Variants in TNRC6C observed in about 807,000 individuals in gnomAD.
TNRC6C encodes the protein trinucleotide repeat-containing gene 6C protein.
Under a neutral mutation model 153.7 loss-of-function variants are expected in TNRC6C, and 20 were observed. The observed-to-expected ratio is 0.13, with a 90% confidence interval of 0.09 to 0.19. The LOEUF (loss-of-function observed/expected upper bound fraction) is 0.19, where lower values mean the gene tolerates loss of function less well. Ranked by LOEUF, TNRC6C falls within the 10% of genes least tolerant of loss-of-function variation. The pLI is 1.00. For synonymous variants in TNRC6C, 811 were observed against 841.4 expected (o/e 0.96, Z 0.63); for missense variants, 1,987 against 2,172.0 (o/e 0.91, Z 1.69).
intron 2 of TNRC6C, among the ~76,000 whole-genome samples, chr17:78,032,071 G>A (rs1450375995): frequency 6.6e-6 from 1 of 152,132 alleles, no homozygotes; most frequent in African/African-American, 2.4e-5. Flanking sequence ...CTTCAGCTGA[G>A]CTTATTTTTC....
chr17:78,026,780 TAG>T (rs913312998), intron 1 of TNRC6C, among the ~76,000 whole-genome samples: 21 of 152,156 alleles, frequency 1.4e-4, no homozygotes, highest in Non-Finnish European at 2.2e-4. Context: ...GATGATGGAT[TAG>T]AGAGAGTCTC....
intron 2 of TNRC6C, among the ~76,000 whole-genome samples, chr17:78,041,525 A>C (rs2072295236): frequency 6.6e-6 from 1 of 152,232 alleles, no homozygotes; most frequent in Non-Finnish European, 1.5e-5. Context: ...TCTTTTGGAC[A>C]CTATTTGTGT....
exon 3 of TNRC6C, chr17:78,051,358 A>G (rs780665319): frequency 6.4e-7 from 1 of 1,551,204 alleles, no homozygotes; most frequent in South Asian, 1.2e-5. Context: ...CACCACCACC[A>G]CTACCACGAG....
intron 1 of TNRC6C, among the ~76,000 whole-genome samples, chr17:77,994,410 T>G (rs945302964): frequency 2.0e-5 from 3 of 152,192 alleles, no homozygotes; most frequent in Non-Finnish European, 4.4e-5. Flanking sequence ...AGGTCTTGTA[T>G]GCTCACCTGC....
chr17:78,007,023 A>G (rs1387303788), intron 1 of TNRC6C, among the ~76,000 whole-genome samples: 1 of 113,368 alleles, frequency 8.8e-6, no homozygotes, highest in Non-Finnish European at 1.7e-5. Flanking sequence ...TTGTATTTTT[A>G]GTAGAGACAG....
chr17:78,078,859 G>A lies in TNRC6C; in HGVS notation c.3211-536G>A, dbSNP rs564205714. The stretch of plus-strand genomic sequence containing the variant: ...TGTAATCCCACCACTTTGGGAGGCC[G>A]AGGCAGGTGGATCACAAGGTCAGGA... On this transcript the variant is annotated intron_variant, in intron 9 of 19. Coordinates refer to ENST00000301624, the Ensembl canonical transcript of TNRC6C. Among the ~76,000 whole-genome samples, 13 of 152,226 alleles carry A rather than the reference G, an allele frequency of 8.5e-5. 2 individuals carry two copies. The highest frequency in any genetic ancestry group is 2.9e-4 in the African/African-American group (12 of 41,530).
upstream of TNRC6C, chr17:77,959,140 G>C (rs1598632337): frequency 1.4e-5 from 2 of 144,008 alleles, no homozygotes; most frequent in East Asian, 2.0e-4. Flanking sequence ...CGTGGCGCCG[G>C]CGCTGAGCGG....
intron 6 of TNRC6C, among the ~76,000 whole-genome samples, 163 bp downstream of exon 8, chr17:78,071,328 A>C (rs1429662377): frequency 6.6e-6 from 1 of 152,212 alleles, no homozygotes; most frequent in Non-Finnish European, 1.5e-5. Context: ...TTACCTGGGT[A>C]GTTTGGGTTA....
At position 77,992,327 on chromosome 17, in the gene TNRC6C, G is replaced by A. The variant is rs2071264007; in HGVS notation, c.-37-11843G>A. On this transcript the variant is annotated intron_variant, in intron 1 of 22. Transcript: ENST00000636222. Reference sequence around the variant, plus strand: ...ATCCTGGCTAACACGGTGAAACCCCGTCTCTACTAAAAATACAAAAATTAG... The same window carrying A: ...ATCCTGGCTAACACGGTGAAACCCCATCTCTACTAAAAATACAAAAATTAG... Among the ~76,000 whole-genome samples the A allele has an allele frequency of 1.9e-5, 2 of 107,026 alleles. 1 individual carries two copies. Among genetic ancestry groups the A allele is most frequent in the African/African-American group, 1.0e-4 (2 of 19,928 alleles). The allele number at this position is 107,026 out of a possible 152,430, so 70.2% of individuals were successfully genotyped here. A position where few individuals can be genotyped will look rare whatever the true frequency, so the allele number is the denominator to read the frequency against.
chr17:77,958,445 A>G (rs764585072), upstream of TNRC6C, among the ~76,000 whole-genome samples: 91 of 151,844 alleles, frequency 6.0e-4, no homozygotes, highest in Non-Finnish European at 1.1e-3. Context: ...CGCGCGGTGC[A>G]GGGAACCACA....
At position 77,994,352 on chromosome 17, in the gene TNRC6C, T is replaced by C. The variant is rs149709278; in HGVS notation, c.-37-9818T>C. ...GGGTGGATGGTGGTATCATCTCTTTTTATATTTGATTTTTCTCTTGTGCAG... is the reference window on the plus strand; with the variant it reads ...GGGTGGATGGTGGTATCATCTCTTTCTATATTTGATTTTTCTCTTGTGCAG... On this transcript the variant is annotated intron_variant, in intron 1 of 22. Transcript: ENST00000636222. 7.6e-3 allele frequency among the ~76,000 whole-genome samples: 1,162 copies of C among 152,282 alleles called. 9 individuals are homozygous for C. Among genetic ancestry groups the C allele is most frequent in the Non-Finnish European group, 0.013 (892 of 68,030 alleles).
intron 17 of TNRC6C, among the ~76,000 whole-genome samples, chr17:78,100,713 G>A (rs972954183): frequency 3.3e-5 from 5 of 149,718 alleles, no homozygotes; most frequent in Admixed American, 2.0e-4. Context: ...GCAGCTCCTC[G>A]TTACTTAGGC....
intron 2 of TNRC6C, among the ~76,000 whole-genome samples, chr17:78,036,232 C>G (rs560098466): frequency 6.6e-6 from 1 of 152,150 alleles, no homozygotes; most frequent in African/African-American, 2.4e-5. Flanking sequence ...TTGTGCCCTC[C>G]CCCCAGGTTT....
chr17:78,031,662 C>T (rs1414607101), exon 2 of TNRC6C: 2 of 1,232,464 alleles, frequency 1.6e-6, no homozygotes, highest in Non-Finnish European at 2.0e-6. Context: ...TTACCTGCCT[C>T]GTGAGGTGCC....
intron 1 of TNRC6C, among the ~76,000 whole-genome samples, chr17:77,974,269 A>C (rs1181132729): frequency 2.0e-5 from 3 of 152,204 alleles, no homozygotes; most frequent in African/African-American, 4.8e-5. Flanking sequence ...TGTCACCAAA[A>C]AAGATATACA....
At chr17:77,960,063 G>T (rs892953757) in intron 1 of TNRC6C, among the ~76,000 whole-genome samples, 4 of 152,178 alleles carry the variant, frequency 2.6e-5, no homozygotes, top group African/African-American at 4.8e-5. Flanking sequence ...GTGCCGGGAG[G>T]TAGGGGAGGA....
chr17:78,045,551 C>CTT (rs112283214), intron 2 of TNRC6C, among the ~76,000 whole-genome samples: 2,363 of 152,306 alleles, frequency 0.016, 56 homozygotes, highest in African/African-American at 0.054. Context: ...GCAGTCTGGG[C>CTT]TGTACAAGTG....
chr17:78,037,285 G>T (rs1453608316), intron 2 of TNRC6C, among the ~76,000 whole-genome samples: 1 of 152,214 alleles, frequency 6.6e-6, no homozygotes, highest in Non-Finnish European at 1.5e-5. Flanking sequence ...CGGTGGTTTT[G>T]TCATGTGTGT....
intron 1 of TNRC6C, among the ~76,000 whole-genome samples, chr17:77,997,683 G>A (rs1281995957): frequency 1.3e-5 from 2 of 151,178 alleles, no homozygotes; most frequent in Non-Finnish European, 2.9e-5. Context: ...TTGAGATGGA[G>A]TCTCGCTCTG....
Sources: gnomAD v4.1 joint callset for allele counts (sites outside exome capture counted in the v4.1 genomes callset) on GRCh38, gnomAD v4.1.1 for gene constraint, MANE v1.5 for transcripts, NCBI Gene and HGNC (gene_info 2026-07-23, HGNC 2026-07-21) for gene names.